RBFOX1: variants seen among roughly 807,000 people sequenced by gnomAD.
RBFOX1 encodes the protein RNA binding fox-1 homolog 1.
Under a neutral mutation model 57.7 loss-of-function variants are expected in RBFOX1, and 8 were observed. The observed-to-expected ratio is 0.14, with a 90% CI of 0.08 to 0.25. RBFOX1 has a LOEUF of 0.25. RBFOX1 is among the 10% of genes least tolerant of loss of function. RBFOX1 has a pLI of 1.00. For synonymous variants in RBFOX1, 326 were observed against 222.4 expected (o/e 1.47, Z -4.15); for missense variants, 611 against 548.5 (o/e 1.11, Z -1.14).
At chr16:7,289,144 G>T (rs983463896) in intron 4 of RBFOX1, among the ~76,000 whole-genome samples, 2 of 152,170 alleles carry the variant, frequency 1.3e-5, no homozygotes, top group Non-Finnish European at 2.9e-5. Flanking sequence ...GTCTGTGGCT[G>T]AGTTACAAAG....
intron 2 of RBFOX1, among the ~76,000 whole-genome samples, chr16:6,520,844 C>CT (rs113369713): frequency 6.6e-6 from 1 of 152,096 alleles, no homozygotes; most frequent in African/African-American, 2.4e-5. Context: ...CCAAAAAGGA[C>CT]TTTGAAGTGC....
At chr16:6,507,702 G>C (rs1163442712) in intron 2 of RBFOX1, among the ~76,000 whole-genome samples, 1 of 152,052 alleles carries the variant, frequency 6.6e-6, no homozygotes, top group Non-Finnish European at 1.5e-5. Context: ...ATTATGCTAA[G>C]AGAGATAAGA....
chr16:6,718,727 C>T (rs1400636084), intron 3 of RBFOX1, among the ~76,000 whole-genome samples: 3 of 152,164 alleles, frequency 2.0e-5, no homozygotes, highest in African/African-American at 7.2e-5. Flanking sequence ...GTGTACCACT[C>T]ACTGAAGGTA....
chr16:6,585,551 G>C (rs1174323535), intron 2 of RBFOX1, among the ~76,000 whole-genome samples: 3 of 152,126 alleles, frequency 2.0e-5, no homozygotes, highest in African/African-American at 2.4e-5. Flanking sequence ...CTGTGACTTT[G>C]AGATCTGTTT....
chr16:7,405,071 G>C (rs1235354183), intron 4 of RBFOX1, among the ~76,000 whole-genome samples: 7 of 152,238 alleles, frequency 4.6e-5, no homozygotes, highest in Non-Finnish European at 7.3e-5. Flanking sequence ...AAGCTGGGCA[G>C]TGCATGCTTG....
chr16:7,327,518 A>G (rs1309719322), intron 4 of RBFOX1, among the ~76,000 whole-genome samples: 4 of 152,228 alleles, frequency 2.6e-5, no homozygotes, highest in African/African-American at 9.6e-5. Flanking sequence ...TATCCAAAAG[A>G]TAAGAAATGT....
chr16:5,856,681 A>G (rs1305258053), intron 3 of RBFOX1, among the ~76,000 whole-genome samples: 1 of 148,476 alleles, frequency 6.7e-6, no homozygotes, highest in Non-Finnish European at 1.5e-5. Flanking sequence ...TATGTTATAG[A>G]GATGGTTTCT....
At chr16:7,059,161 A>G (rs957077216) in intron 4 of RBFOX1, among the ~76,000 whole-genome samples, 2 of 152,176 alleles carry the variant, frequency 1.3e-5, no homozygotes, top group African/African-American at 4.8e-5. Context: ...CTGCCTTGCA[A>G]TTGAGCTATC....
At chr16:6,126,924 C>G (rs532607456) in intron 1 of RBFOX1, among the ~76,000 whole-genome samples, 2 of 152,048 alleles carry the variant, frequency 1.3e-5, no homozygotes, top group Non-Finnish European at 2.9e-5. Flanking sequence ...TGCCTTATGC[C>G]AGGTACTAGG....
rs117721462 is a variant in RBFOX1 at position 5,860,592 on chromosome 16, G to A, written c.319-6711G>A. Among the ~76,000 whole-genome samples, 581 of 152,302 alleles carry A rather than the reference G, an allele frequency of 3.8e-3. 5 individuals are homozygous for A. The highest frequency in any genetic ancestry group is 0.031 in the Middle Eastern group (9 of 292). On this transcript the variant is annotated intron_variant, in intron 3 of 19. Transcript: ENST00000641259. ...AAATGGATCATTAGGACGCAAAGTT[G>A]CCTGCAGAGATAAGCTATGCATGAT...
intron 1 of RBFOX1, among the ~76,000 whole-genome samples, chr16:6,100,448 C>A (rs865924331): frequency 6.6e-6 from 1 of 152,238 alleles, no homozygotes; most frequent in Non-Finnish European, 1.5e-5. Context: ...AGGCATGAGC[C>A]ACCGCGCCCG....
At chr16:6,557,134 TATATAC>T (rs1187443564) in intron 2 of RBFOX1, among the ~76,000 whole-genome samples, 2 of 144,092 alleles carry the variant, frequency 1.4e-5, no homozygotes, top group African/African-American at 5.1e-5. Flanking sequence ...TACATATACA[TATATAC>T]ATATATACAC....
intron 3 of RBFOX1, among the ~76,000 whole-genome samples, chr16:6,889,149 A>G (rs988762301): frequency 3.9e-5 from 6 of 152,202 alleles, no homozygotes. Context: ...CTATTACTGT[A>G]ACATTCAGTA....
At chr16:7,493,235 ACACACT>A (rs898031324) in intron 4 of RBFOX1, among the ~76,000 whole-genome samples, 81 of 144,624 alleles carry the variant, frequency 5.6e-4, no homozygotes, top group African/African-American at 2.2e-3. Context: ...GAACAGACTA[ACACACT>A]CAGTCAGACT....
At chr16:7,066,911 A>C (rs2056189486) in intron 4 of RBFOX1, among the ~76,000 whole-genome samples, 1 of 152,206 alleles carries the variant, frequency 6.6e-6, no homozygotes, top group Non-Finnish European at 1.5e-5. Context: ...TTATTTTCTA[A>C]AAACAGATTA....
intron 4 of RBFOX1, among the ~76,000 whole-genome samples, chr16:7,340,471 A>G (rs994770217): frequency 2.0e-5 from 3 of 152,188 alleles, no homozygotes; most frequent in African/African-American, 7.2e-5. Flanking sequence ...TCTCCGTTGC[A>G]CTAATTACAG....
chr16:5,923,526 C>T (rs2058874763), intron 4 of RBFOX1, among the ~76,000 whole-genome samples: 1 of 139,770 alleles, frequency 7.2e-6, no homozygotes, highest in African/African-American at 2.6e-5. Context: ...TCTCCAGAGC[C>T]AGGCTTTTTT....
At chr16:6,817,116 A>T (rs1046430522) in intron 3 of RBFOX1, among the ~76,000 whole-genome samples, 34 of 152,262 alleles carry the variant, frequency 2.2e-4, no homozygotes, top group African/African-American at 8.2e-4. Context: ...TACAGAACTG[A>T]TGTATTAACC....
chr16:6,403,907 T>A (rs1289325245), intron 2 of RBFOX1, among the ~76,000 whole-genome samples: 1 of 152,062 alleles, frequency 6.6e-6, no homozygotes, highest in African/African-American at 2.4e-5. Context: ...ACTGGTGGCA[T>A]TATAAGAAGA....
Sources: allele counts gnomAD v4.1 joint callset (sites outside exome capture counted in the v4.1 genomes callset), GRCh38; gene constraint gnomAD v4.1.1; transcripts MANE v1.5; gene names NCBI Gene and HGNC (gene_info 2026-07-23, HGNC 2026-07-21).